The following TOM1L2 variants were observed in gnomAD, a reference collection of about 807,000 sequenced individuals.
TOM1L2 encodes target of myb1 like 2 membrane trafficking protein, also known as TOM1-like protein 2.
In TOM1L2, 31 loss-of-function variants were observed where a neutral mutation model predicts 67.9. That is an observed-to-expected ratio of 0.46 (90% CI 0.34 to 0.62). TOM1L2 has a LOEUF of 0.62. Ranked by LOEUF, TOM1L2 falls within the 20% of genes least tolerant of loss-of-function variation. The pLI, the probability that TOM1L2 is intolerant of heterozygous loss-of-function variation, is 0.01. For missense variants in TOM1L2, 606 were observed against 663.5 expected, an observed-to-expected ratio of 0.91 and a Z score of 0.95; for synonymous variants, 256 against 254.0, an observed-to-expected ratio of 1.01 and a Z score of -0.07.
At chr17:17,916,923 C>T (rs1255399620) in intron 1 of TOM1L2, among the ~76,000 whole-genome samples, 1 of 152,042 alleles carries the variant, frequency 6.6e-6, no homozygotes, top group Admixed American at 6.6e-5. Flanking sequence ...TTTGGGAGGC[C>T]GAGGCAGGTG....
chr17:17,886,756 G>A (rs1464865258), intron 4 of TOM1L2, among the ~76,000 whole-genome samples: 1 of 152,230 alleles, frequency 6.6e-6, no homozygotes, highest in Non-Finnish European at 1.5e-5. Flanking sequence ...AAAGAACTAT[G>A]GCTCTTCTCT....
intron 10 of TOM1L2, 51 bp downstream of exon 10, chr17:17,866,245 A>G: frequency 6.4e-7 from 1 of 1,552,630 alleles, no homozygotes; most frequent in Non-Finnish European, 8.7e-7. Flanking sequence ...CCTGCAAGGG[A>G]GGCCAGTGGT....
chr17:17,912,278 G>A (rs1455578869), intron 1 of TOM1L2, among the ~76,000 whole-genome samples: 37 of 150,214 alleles, frequency 2.5e-4, no homozygotes, highest in African/African-American at 5.2e-4. Context: ...CTGGCCGGGC[G>A]GGGGGCTGAC....
At position 17,861,506 on chromosome 17, in the gene TOM1L2, T is replaced by G; in HGVS notation, c.1248A>C (p.Ala416=). The part of the protein sequence containing the change: ...DPQAVGGLAS[A]LDNRKQSSEG... ...CTGAACTCTGTTTTCGATTGTCTAG[T>G]GCAGAAGCAAGTCCTCCGACAGCCT... Residue 416 remains alanine, a synonymous_variant, in exon 12 of 15, where the codon GCA becomes GCC. Coordinates refer to ENST00000379504, the MANE Select transcript of TOM1L2 (RefSeq NM_001082968.2). 1 of 1,614,140 alleles carries G rather than the reference T, an allele frequency of 6.2e-7. No homozygotes were observed. The highest frequency in any genetic ancestry group is 1.1e-5 in the South Asian group (1 of 91,090).
intron 1 of TOM1L2, among the ~76,000 whole-genome samples, chr17:17,957,635 A>G (rs950419839): frequency 4.0e-5 from 6 of 150,842 alleles, no homozygotes; most frequent in African/African-American, 1.5e-4. Flanking sequence ...ATATATATAA[A>G]GTATAACATA....
intron 12 of TOM1L2, chr17:17,859,464 A>C (rs2036435275): frequency 6.6e-6 from 1 of 152,270 alleles, no homozygotes; most frequent in South Asian, 2.1e-4. Context: ...AGGTAACCTG[A>C]AATGCTGCAG....
At chr17:17,889,490 A>G (rs555440826) in intron 4 of TOM1L2, among the ~76,000 whole-genome samples, 3 of 152,258 alleles carry the variant, frequency 2.0e-5, no homozygotes, top group Non-Finnish European at 4.4e-5. Flanking sequence ...ATCTGGCTGC[A>G]GCTCTGCTTC....
At chr17:17,900,023 C>T (rs1776972262) in intron 2 of TOM1L2, among the ~76,000 whole-genome samples, 1 of 152,092 alleles carries the variant, frequency 6.6e-6, no homozygotes, top group African/African-American at 2.4e-5. Flanking sequence ...ACCAGCCTGG[C>T]CAACATGGTG....
At chr17:17,955,108 C>T (rs1364032999) in intron 1 of TOM1L2, among the ~76,000 whole-genome samples, 3 of 152,160 alleles carry the variant, frequency 2.0e-5, no homozygotes, top group African/African-American at 7.2e-5. Flanking sequence ...GTTAGTCTCT[C>T]ATCTGCTGGT....
Position 17,847,722 on chromosome 17 carries a change from C to A in TOM1L2, c.1437G>T (p.Ser479=). The A allele has an allele frequency of 6.2e-7, 1 of 1,613,914 alleles. No homozygotes were observed. Among genetic ancestry groups the A allele is most frequent in the Non-Finnish European group, 8.5e-7 (1 of 1,179,980 alleles). ...CTGGGGCAGGAGCCTCCATGGGGGG[C>A]GAGGGGAGGTCGGGAACCATTTCAG... is the stretch of plus-strand genomic sequence containing the variant. ...KAAEMVPDLP[S]PPMEAPAPAS... is the part of the protein sequence containing the mutation. Residue 479 remains serine (S), a synonymous_variant, in exon 15 of 15, where the codon TCG becomes TCT. Transcript: ENST00000379504.
chr17:17,895,847 G>A (rs895002212), intron 3 of TOM1L2, among the ~76,000 whole-genome samples: 5 of 152,160 alleles, frequency 3.3e-5, no homozygotes, highest in Admixed American at 1.3e-4. Flanking sequence ...TTAGAGATGA[G>A]GAAGCTGAGG....
At chr17:17,891,811 G>C (rs2038296214) in intron 4 of TOM1L2, among the ~76,000 whole-genome samples, 1 of 151,842 alleles carries the variant, frequency 6.6e-6, no homozygotes, top group Non-Finnish European at 1.5e-5. Context: ...GTGTGTGTGT[G>C]TGTGTGTGTC....
Position 17,964,167 on chromosome 17 carries a change from C to G in TOM1L2, c.52+8095G>C, listed in dbSNP as rs111800464. Among the ~76,000 whole-genome samples, 1,329 of 152,286 alleles carry G rather than the reference C, an allele frequency of 8.7e-3. 16 individuals are homozygous for G. The highest frequency in any genetic ancestry group is 0.031 in the African/African-American group (1,271 of 41,554). On this transcript the variant is annotated intron_variant, in intron 1 of 14. Coordinates refer to ENST00000379504, the MANE Select transcript of TOM1L2 (RefSeq NM_001082968.2). Reference sequence around the variant, plus strand: ...GGAGCAATAACATATGTAACCAAGTCTGAGACTGGTTTTAAAAGTCGCCTC... The same window carrying G: ...GGAGCAATAACATATGTAACCAAGTGTGAGACTGGTTTTAAAAGTCGCCTC...
chr17:17,941,895 G>A (rs1302889932), intron 1 of TOM1L2, among the ~76,000 whole-genome samples: 1 of 152,178 alleles, frequency 6.6e-6, no homozygotes, highest in Admixed American at 6.5e-5. Flanking sequence ...GAGGGAAGGT[G>A]GAAGGATCCC....
chr17:17,892,255 C>A (rs1380449800), intron 4 of TOM1L2, among the ~76,000 whole-genome samples: 1 of 152,152 alleles, frequency 6.6e-6, no homozygotes, highest in East Asian at 1.9e-4. Context: ...ACACCTGACC[C>A]ATCTGAGAGC....
chr17:17,969,145 C>G (rs1314861192), intron 1 of TOM1L2, among the ~76,000 whole-genome samples: 1 of 151,824 alleles, frequency 6.6e-6, no homozygotes, highest in Non-Finnish European at 1.5e-5. Flanking sequence ...CAACCTCTGC[C>G]TCCCAGGTTC....
At chr17:17,955,693 T>A (rs1328974573) in intron 1 of TOM1L2, among the ~76,000 whole-genome samples, 1 of 152,048 alleles carries the variant, frequency 6.6e-6, no homozygotes, top group Non-Finnish European at 1.5e-5. Flanking sequence ...CAGGCTAGAG[T>A]GTGTCCAGAA....
Position 17,845,647 on chromosome 17 carries a change from C to G in TOM1L2, c.*1988G>C, listed in dbSNP as rs2035607830. 6.6e-6 allele frequency: 1 copy of G among 152,224 alleles called. No homozygotes were observed. The allele number at this position is 152,224 out of a possible 1,614,324, so 9.4% of individuals were successfully genotyped here. A position where few individuals can be genotyped will look rare whatever the true frequency, so the allele number is the denominator to read the frequency against. ...GCTCTGGCAGGGCCTCAGAGACAACCCAAGTCACAACCCAAAGGCAGCCAA... is the reference window on the plus strand; with the variant it reads ...GCTCTGGCAGGGCCTCAGAGACAACGCAAGTCACAACCCAAAGGCAGCCAA... On this transcript the variant is annotated 3_prime_UTR_variant, in exon 15 of 15. Transcript: ENST00000379504.
rs141301017 is a variant in TOM1L2, at chr17:17,850,941, C to T, written c.1290G>A (p.Ala430=). ...CAATGTCGTCCATGACAGATGGCTGCGCAACGGGGATCTATGGAGGCGGCA... is the reference window on the plus strand; with the variant it reads ...CAATGTCGTCCATGACAGATGGCTGTGCAACGGGGATCTATGGAGGCGGCA... ...RKQSSEGIPV[A]QPSVMDDIEV... The change falls in exon 13 of 15, where the codon GCG becomes GCA. Residue 430 remains alanine, a synonymous_variant. Transcript: ENST00000379504. The T allele has an allele frequency of 7.3e-5, 118 of 1,613,884 alleles. No individual in the cohort carries two copies. The highest frequency in any genetic ancestry group is 1.7e-4 in the Admixed American group (10 of 60,030).
Sources: allele counts gnomAD v4.1 joint callset (sites outside exome capture counted in the v4.1 genomes callset), GRCh38; gene constraint gnomAD v4.1.1; transcripts MANE v1.5; gene names NCBI Gene and HGNC (gene_info 2026-07-23, HGNC 2026-07-21).